EYA2: variants seen among roughly 807,000 people sequenced by gnomAD.
EYA2 encodes protein phosphatase EYA2.
In EYA2, 31 loss-of-function variants were observed where a neutral mutation model predicts 69.2. The ratio of observed to expected loss-of-function variants is 0.45; its 90% CI spans 0.34 to 0.60. The LOEUF (loss-of-function observed/expected upper bound fraction) is 0.60. Among genes scored for constraint, EYA2 ranks in the 20% least tolerant of loss-of-function variants. The pLI is 0.02. For missense variants in EYA2, 622 were observed against 701.2 expected (o/e 0.89, Z 1.28); for synonymous variants, 257 against 279.4 (o/e 0.92, Z 0.80).
intron 15 of EYA2, among the ~76,000 whole-genome samples, chr20:47,184,092 CG>C (rs1568834161): frequency 1.3e-5 from 2 of 152,164 alleles, no homozygotes; most frequent in African/African-American, 4.8e-5. Context: ...GAGAGGGCCC[CG>C]GGAGAGAGGA....
intron 5 of EYA2, among the ~76,000 whole-genome samples, chr20:47,065,246 A>C (rs1166565044): frequency 6.6e-6 from 1 of 152,208 alleles, no homozygotes; most frequent in African/African-American, 2.4e-5. Flanking sequence ...TCAGGTACCA[A>C]GGCCACCTCC....
At chr20:47,030,741 C>CA (rs11443232) in intron 5 of EYA2, among the ~76,000 whole-genome samples, 100,197 of 151,934 alleles carry the variant, frequency 0.66, 35,581 homozygotes, top group Non-Finnish European at 0.8. Context: ...TTTGGGTTCA[C>CA]AGAGAGAGAA....
chr20:46,904,954 G>A (rs1984283015), intron 1 of EYA2, among the ~76,000 whole-genome samples: 1 of 152,176 alleles, frequency 6.6e-6, no homozygotes, highest in South Asian at 2.1e-4. Flanking sequence ...GGTGGTGGGA[G>A]TCTGAACGGT....
chr20:47,096,678 A>G (rs539913541), intron 8 of EYA2, among the ~76,000 whole-genome samples: 1 of 152,346 alleles, frequency 6.6e-6, no homozygotes, highest in East Asian at 1.9e-4. Context: ...GTTACTTAGA[A>G]TTATAGAGGT....
chr20:47,028,447 G>A (rs1318314936), intron 5 of EYA2, among the ~76,000 whole-genome samples: 1 of 152,208 alleles, frequency 6.6e-6, no homozygotes, highest in Non-Finnish European at 1.5e-5. Context: ...CTATCAGACG[G>A]ATTTTCAAAG....
At chr20:46,896,210 G>C (rs1408879777) in intron 1 of EYA2, among the ~76,000 whole-genome samples, 1 of 152,162 alleles carries the variant, frequency 6.6e-6, no homozygotes, top group African/African-American at 2.4e-5. Context: ...TTATGTTTGA[G>C]TTAGGGAGAT....
chr20:47,065,773 C>T (rs954786262), intron 5 of EYA2, among the ~76,000 whole-genome samples: 4 of 152,112 alleles, frequency 2.6e-5, no homozygotes, highest in Non-Finnish European at 4.4e-5. Context: ...TGGTAATAAA[C>T]GGTTTGTGAG....
At chr20:47,152,640 G>A (rs181159507) in intron 10 of EYA2, among the ~76,000 whole-genome samples, 26 of 151,374 alleles carry the variant, frequency 1.7e-4, no homozygotes, top group Non-Finnish European at 2.9e-4. Flanking sequence ...GTGAAACCCC[G>A]TCTCTACTAA....
At chr20:46,975,175 G>T (rs143224719) in intron 1 of EYA2, among the ~76,000 whole-genome samples, 2 of 152,098 alleles carry the variant, frequency 1.3e-5, no homozygotes, top group African/African-American at 4.8e-5. Flanking sequence ...CTAGATTGCC[G>T]TGGTGGTTAC....
At chr20:47,157,886 A>G (rs754641611) in intron 10 of EYA2, among the ~76,000 whole-genome samples, 1 of 152,036 alleles carries the variant, frequency 6.6e-6, no homozygotes, top group South Asian at 2.1e-4. Flanking sequence ...CATAAACTAC[A>G]GAGCAAAGAA....
intron 9 of EYA2, among the ~76,000 whole-genome samples, chr20:47,099,772 A>G (rs1265997120): frequency 1.3e-5 from 2 of 152,194 alleles, no homozygotes; most frequent in African/African-American, 4.8e-5. Flanking sequence ...CTCTCCATCT[A>G]AATTGCGTCT....
Position 47,135,689 on chromosome 20 carries a change from T to G in EYA2, c.889-7370T>G, listed in dbSNP as rs566751859. 1.7e-4 allele frequency among the ~76,000 whole-genome samples: 26 copies of G among 151,416 alleles called. 2 individuals carry two copies. In the South Asian group the frequency reaches 5.4e-3, roughly 32 times the overall value. On this transcript the variant is annotated intron_variant, in intron 9 of 15. Transcript: ENST00000327619. ...ATTTTAGAGTCATCTATTACAAAAG[T>G]GCTGCATGCTTGAAACAGAAAGCTT...
chr20:47,169,599 T>C (rs903397791), intron 11 of EYA2, among the ~76,000 whole-genome samples: 2 of 152,240 alleles, frequency 1.3e-5, no homozygotes, highest in Non-Finnish European at 2.9e-5. Context: ...TTGCTATTTT[T>C]TTCCTGCTTA....
At chr20:46,946,561 G>A (rs936382017) in intron 1 of EYA2, among the ~76,000 whole-genome samples, 3 of 152,212 alleles carry the variant, frequency 2.0e-5, no homozygotes, top group Admixed American at 2.0e-4. Flanking sequence ...GCCTGGGTAT[G>A]AGTAAGGCCA....
intron 5 of EYA2, among the ~76,000 whole-genome samples, chr20:47,035,798 A>G (rs1489890618): frequency 6.6e-6 from 1 of 151,904 alleles, no homozygotes; most frequent in African/African-American, 2.4e-5. Flanking sequence ...CCTTGAGACT[A>G]GAAGTTCGAG....
intron 5 of EYA2, among the ~76,000 whole-genome samples, chr20:47,044,813 A>G (rs1169406343): frequency 1.3e-5 from 2 of 152,218 alleles, no homozygotes; most frequent in African/African-American, 4.8e-5. Flanking sequence ...AGGTCATACA[A>G]TCGGAGAACA....
At chr20:47,001,729 C>T (rs1354784465) in intron 3 of EYA2, among the ~76,000 whole-genome samples, 2 of 152,016 alleles carry the variant, frequency 1.3e-5, no homozygotes, top group African/African-American at 4.8e-5. Context: ...TAGAATGGGG[C>T]CTGGAGCAGA....
chr20:47,178,821 G>GTGGGTGGATGGATGGATAT (rs143000017), intron 12 of EYA2, among the ~76,000 whole-genome samples: 40,614 of 108,194 alleles, frequency 0.38, 8,256 homozygotes, highest in Non-Finnish European at 0.43. Context: ...GGATGGGTGG[G>GTGGGTGGATGGATGGATAT]TGGGTGGATG....
intron 9 of EYA2, among the ~76,000 whole-genome samples, chr20:47,138,487 C>G (rs532576504): frequency 6.6e-6 from 1 of 152,214 alleles, no homozygotes; most frequent in South Asian, 2.1e-4. Flanking sequence ...TGGTGGCTCA[C>G]GCCTGTAATC....
Sources: allele counts gnomAD v4.1 joint callset (sites outside exome capture counted in the v4.1 genomes callset), GRCh38; gene constraint gnomAD v4.1.1; transcripts MANE v1.5; gene names NCBI Gene and HGNC (gene_info 2026-07-23, HGNC 2026-07-21).